RORA: variants seen among roughly 807,000 people sequenced by gnomAD.
RORA encodes RAR related orphan receptor A.
In RORA, 7 loss-of-function variants were observed where a neutral mutation model predicts 69.5. That is an observed-to-expected ratio of 0.10 (90% confidence interval 0.06 to 0.19). The LOEUF is 0.19. Among genes scored for constraint, RORA ranks in the 10% least tolerant of loss-of-function variants. The probability of loss-of-function intolerance (pLI) is 1.00; values close to 1 mark genes in which losing one functional copy is unlikely to be tolerated. For missense variants in RORA, 457 were observed against 663.0 expected (o/e 0.69, Z 3.41); for synonymous variants, 261 against 240.8 (o/e 1.08, Z -0.78).
chr15:61,128,733 G>A lies in RORA; in HGVS notation c.166+100320C>T, dbSNP rs1467402860. 3.9e-5 allele frequency among the ~76,000 whole-genome samples: 6 copies of A among 152,178 alleles called. No homozygotes were observed. Among genetic ancestry groups the A allele is most frequent in the African/African-American group, 1.4e-4 (6 of 41,438 alleles). ...AATAACTCCTGAATTTCCTCCAGGG[G>A]AGTAAAAGCAGATCACAAAGGATCT... On this transcript the variant is annotated intron_variant, in intron 1 of 10. Transcript: ENST00000335670. The surrounding 1 kb of genome is among the most constrained non-coding windows in gnomAD (Gnocchi z 4.5).
intron 1 of RORA, among the ~76,000 whole-genome samples, chr15:60,909,401 G>A (rs973164353): frequency 6.6e-6 from 1 of 152,160 alleles, no homozygotes; most frequent in Admixed American, 6.5e-5. Context: ...GAACCTAGGT[G>A]GGCTAACGGG....
chr15:60,622,155 T>TA (rs35585618), intron 2 of RORA, among the ~76,000 whole-genome samples: 91,862 of 151,886 alleles, frequency 0.6, 27,925 homozygotes, highest in African/African-American at 0.69. Flanking sequence ...ATGAGAATGA[T>TA]AAGCAAGTAG....
In RORA at chr15:60,675,649, C is replaced by A. The variant is rs963217338; in HGVS notation, c.196+3008G>T. ...GTCCATGGGCTCCTCTGAAGCTTAA[C>A]AGTCAAATTTCCCTTCATGGGAATT... is the stretch of plus-strand genomic sequence containing the variant. On this transcript the variant is annotated intron_variant, in intron 2 of 10. Coordinates refer to ENST00000335670, the MANE Select transcript of RORA (RefSeq NM_134261.3). 1.1e-4 allele frequency among the ~76,000 whole-genome samples: 16 copies of A among 152,326 alleles called. No individual in the cohort carries two copies. In the South Asian group the frequency reaches 2.1e-3, roughly 20 times the overall value.
At position 61,061,384 on chromosome 15, in the gene RORA, A is replaced by C. The variant is rs144161126; in HGVS notation, c.166+167669T>G. 4.7e-5 allele frequency among the ~76,000 whole-genome samples: 6 copies of C among 128,634 alleles called. No individual in the cohort carries two copies. The highest frequency in any genetic ancestry group is 2.7e-4 in the South Asian group (1 of 3,706). The allele number at this position is 128,634 out of a possible 152,430, so 84.4% of individuals were successfully genotyped here. On this transcript the variant is annotated intron_variant, in intron 1 of 10. Coordinates refer to ENST00000335670, the MANE Select transcript of RORA (RefSeq NM_134261.3). The surrounding 1 kb of genome is among the most constrained non-coding windows in gnomAD (Gnocchi z 4.4). Reference sequence around the variant, plus strand: ...AAATAAATAAATAAATAAATAAATAAATAAATAAATAAATACAAGGGCATC... The same window carrying C: ...AAATAAATAAATAAATAAATAAATACATAAATAAATAAATACAAGGGCATC...
intron 1 of RORA, among the ~76,000 whole-genome samples, chr15:61,054,708 A>G (rs1030046824): frequency 6.6e-6 from 1 of 152,220 alleles, no homozygotes; most frequent in African/African-American, 2.4e-5. Flanking sequence ...ACACTACGAG[A>G]CAAGGCACTG....
chr15:61,120,447 C>G (rs2079091684), intron 1 of RORA, among the ~76,000 whole-genome samples: 3 of 152,036 alleles, frequency 2.0e-5, no homozygotes, highest in Admixed American at 2.0e-4. Context: ...CGCCTGTAAT[C>G]CCAGCACTTT....
intron 1 of RORA, among the ~76,000 whole-genome samples, chr15:60,884,177 G>GA (rs948165688): frequency 1.1e-4 from 16 of 148,854 alleles, no homozygotes; most frequent in Non-Finnish European, 1.3e-4. Flanking sequence ...AAATAGAACA[G>GA]AAAAAAAAGG....
chr15:60,820,049 G>A (rs561545335), intron 1 of RORA, among the ~76,000 whole-genome samples: 9 of 152,340 alleles, frequency 5.9e-5, no homozygotes, highest in East Asian at 1.9e-4. Flanking sequence ...GTGTTCATGC[G>A]TGTGCACGCG....
At chr15:60,990,061 T>C (rs371415401) in intron 1 of RORA, among the ~76,000 whole-genome samples, 1 of 152,226 alleles carries the variant, frequency 6.6e-6, no homozygotes, top group South Asian at 2.1e-4. Flanking sequence ...AACTCATGGA[T>C]CCAATAGTTT....
At chr15:60,902,795 C>T (rs901302948) in intron 1 of RORA, among the ~76,000 whole-genome samples, 3 of 152,058 alleles carry the variant, frequency 2.0e-5, no homozygotes, top group Non-Finnish European at 4.4e-5. Context: ...GAAAGAGGCA[C>T]ACAATCAGCT....
At chr15:60,733,223 C>T (rs2071452654) in intron 1 of RORA, among the ~76,000 whole-genome samples, 1 of 152,220 alleles carries the variant, frequency 6.6e-6, no homozygotes, top group Non-Finnish European at 1.5e-5. Flanking sequence ...ATATTTCAAT[C>T]TTCTCCCCCT....
chr15:60,977,646 A>C (rs1400426593), intron 1 of RORA, among the ~76,000 whole-genome samples: 1 of 152,132 alleles, frequency 6.6e-6, no homozygotes, highest in African/African-American at 2.4e-5. Flanking sequence ...GGCAACCACT[A>C]ATATATTTTC....
chr15:60,864,850 G>A (rs547477631), intron 1 of RORA, among the ~76,000 whole-genome samples: 1 of 152,148 alleles, frequency 6.6e-6, no homozygotes, highest in East Asian at 1.9e-4. Flanking sequence ...TAATTGCAAC[G>A]GTCTAGTGAA....
chr15:61,023,961 G>C (rs78383909), intron 1 of RORA, among the ~76,000 whole-genome samples: 3,447 of 152,140 alleles, frequency 0.023, 62 homozygotes, highest in Non-Finnish European at 0.032. Flanking sequence ...ACCCCAATTT[G>C]GCATGTCCAG....
intron 1 of RORA, among the ~76,000 whole-genome samples, chr15:60,903,547 C>A (rs934206961): frequency 2.0e-5 from 3 of 152,148 alleles, no homozygotes; most frequent in African/African-American, 7.2e-5. Flanking sequence ...GATAGGGTAC[C>A]AATGTTCAAG....
At chr15:61,037,556 T>G (rs902782356) in intron 1 of RORA, among the ~76,000 whole-genome samples, 1 of 152,174 alleles carries the variant, frequency 6.6e-6, no homozygotes, top group Non-Finnish European at 1.5e-5. Context: ...CTCTGCTGCC[T>G]CACTTCATGG....
At chr15:60,595,288 G>A (rs896341331) in intron 2 of RORA, among the ~76,000 whole-genome samples, 2 of 152,082 alleles carry the variant, frequency 1.3e-5, no homozygotes, top group Admixed American at 1.3e-4. Context: ...CAAGGCGGGT[G>A]GATCACTTGA....
chr15:60,854,124 T>C (rs1435681345), intron 1 of RORA, among the ~76,000 whole-genome samples: 5 of 152,132 alleles, frequency 3.3e-5, no homozygotes. Flanking sequence ...TAGCTGGGCA[T>C]GGTGGTGCGC....
At chr15:61,197,443 C>T (rs1046072014) in intron 1 of RORA, among the ~76,000 whole-genome samples, 2 of 152,168 alleles carry the variant, frequency 1.3e-5, no homozygotes, top group African/African-American at 4.8e-5. Context: ...CACGAGGAGC[C>T]CATCCATCTT....
Sources: gnomAD v4.1 joint callset for allele counts (sites outside exome capture counted in the v4.1 genomes callset) on GRCh38, gnomAD v4.1.1 for gene constraint, Gnocchi (gnomAD v3.1) non-coding constraint, MANE v1.5 for transcripts, NCBI Gene and HGNC (gene_info 2026-07-23, HGNC 2026-07-21) for gene names.